Variants in PRR12 observed in about 807,000 individuals in gnomAD.
PRR12 encodes proline rich 12.
Under a neutral mutation model 138.0 loss-of-function variants are expected in PRR12, and 12 were observed. That is an observed-to-expected ratio of 0.09 (90% CI 0.06 to 0.14). The LOEUF is 0.14. Among genes scored for constraint, PRR12 ranks in the 10% least tolerant of loss-of-function variants. The probability of loss-of-function intolerance (pLI) is 1.00; values close to 1 mark genes in which losing one functional copy is unlikely to be tolerated. For synonymous variants in PRR12, 1,567 were observed against 1,291.7 expected, an observed-to-expected ratio of 1.21 and a Z score of -4.57; for missense variants, 2,692 against 2,861.3, an observed-to-expected ratio of 0.94 and a Z score of 1.35.
Position 49,610,546 on chromosome 19 carries a change from A to AT in PRR12, c.4774-3973dup, listed in dbSNP as rs922178889. 1.0e-3 allele frequency among the ~76,000 whole-genome samples: 121 copies of AT among 121,584 alleles called. 3 individuals are homozygous for AT. Among genetic ancestry groups the AT allele is most frequent in the South Asian group, 1.3e-3 (5 of 3,778 alleles). The allele number at this position is 121,584 out of a possible 152,430, so 79.8% of individuals were successfully genotyped here. On this transcript the variant is annotated intron_variant, in intron 6 of 13. Coordinates refer to ENST00000418929, the MANE Select transcript of PRR12 (RefSeq NM_020719.3). ...CATGCCATGGTAAAACCCTGTTCCT[A>AT]TTTTTTTTTTTTTTGAGATGGAGTC...
In PRR12 at chr19:49,591,627, T is replaced by TCCCCCC; in HGVS notation, c.-27_-22dup. 2.0e-5 allele frequency: 3 copies of TCCCCCC among 148,044 alleles called. No homozygotes were observed. Among genetic ancestry groups the TCCCCCC allele is most frequent in the African/African-American group, 8.7e-5 (1 of 11,550 alleles). 9.2% of individuals were successfully genotyped at this position (148,044 alleles called of 1,614,324 possible). ...CCCTCCCTCCCTCCCTCCCTCCCCC[T>TCCCCCC]CCCCCCAATTTCCACCGCGGCCAAT... On this transcript the variant is annotated 5_prime_UTR_variant, in exon 1 of 14. Transcript: ENST00000418929.
chr19:49,594,663 G>T lies in PRR12; in HGVS notation c.362-34G>T. On this transcript the variant is annotated intron_variant, in intron 3 of 13. Coordinates refer to ENST00000418929, the MANE Select transcript of PRR12 (RefSeq NM_020719.3). The surrounding 1 kb of genome is among the most constrained non-coding windows in gnomAD (Gnocchi z 5.6). ...AGGGCCAGGGTGGGACTGGCTCGCT[G>T]TTCTCTCTGACGCGCGGTCTTCCTC... The T allele has an allele frequency of 6.2e-7, 1 of 1,610,606 alleles. No individual in the cohort carries two copies. Among genetic ancestry groups the T allele is most frequent in the Non-Finnish European group, 8.5e-7 (1 of 1,179,494 alleles).
Position 49,599,297 on chromosome 19 carries a change from G to A in PRR12, c.3704G>A (p.Gly1235Asp), listed in dbSNP as rs898028986. 6.2e-7 allele frequency: 1 copy of A among 1,608,138 alleles called. No individual in the cohort carries two copies. The part of the protein sequence containing the change: ...LKIKLSVPKA[G>D]EGLGTSSGDA... ...ATCAAGCTGTCTGTGCCCAAGGCTG[G>A]CGAGGGTCTGGGAACCTCATCGGGT... The change falls in exon 5 of 14, where the codon GGC becomes GAC. Residue 1235 changes from glycine (G) to aspartate (D), a missense_variant. By Grantham distance (94) the Gly-to-Asp change is moderately conservative (BLOSUM62 -1). Around this residue, in one of 11 missense-constraint regions of PRR12, gnomAD observed 326 missense variants for 344.2 expected, o/e 0.95. Coordinates refer to ENST00000418929, the MANE Select transcript of PRR12 (RefSeq NM_020719.3). The surrounding 1 kb of genome is among the most constrained non-coding windows in gnomAD (Gnocchi z 5.0).
Position 49,625,426 on chromosome 19 carries a change from G to A in PRR12, c.5965-35G>A. ...CCCTTCCCTCCCCAGAGGCCGGTGT[G>A]CCACCCTCCCCAGTGCCATGTTTGA... On this transcript the variant is annotated intron_variant, in intron 13 of 13. Coordinates refer to ENST00000418929, the MANE Select transcript of PRR12 (RefSeq NM_020719.3). The surrounding 1 kb of genome is among the most constrained non-coding windows in gnomAD (Gnocchi z 5.5). 3 of 1,567,710 alleles carry A rather than the reference G, an allele frequency of 1.9e-6. No individual in the cohort carries two copies. The highest frequency in any genetic ancestry group is 2.3e-5 in the South Asian group (2 of 85,326).
chr19:49,622,580 AG>A (rs2080928798), intron 11 of PRR12, among the ~76,000 whole-genome samples: 4 of 138,702 alleles, frequency 2.9e-5, no homozygotes, highest in Non-Finnish European at 6.1e-5. Flanking sequence ...CGACAGAGCA[AG>A]ACTGTCTCCA....
chr19:49,614,805 G>A lies in PRR12; in HGVS notation c.4891-71G>A. 6.2e-7 allele frequency: 1 copy of A among 1,602,228 alleles called. No individual in the cohort carries two copies. Among genetic ancestry groups the A allele is most frequent in the South Asian group, 1.1e-5 (1 of 90,406 alleles). Reference sequence around the variant, plus strand: ...TCCAAGCAGCTGCCATGGTGGCCCAGGGCACGGGGGTGTTGGCCATCTGGC... The same window carrying A: ...TCCAAGCAGCTGCCATGGTGGCCCAAGGCACGGGGGTGTTGGCCATCTGGC... On this transcript the variant is annotated intron_variant, in intron 7 of 13. Transcript: ENST00000418929. This position sits in a 1 kb window ranked among gnomAD's most constrained non-coding sequence, Gnocchi z 5.0.
rs917761618 is a variant in PRR12, at chr19:49,597,815, G to T, written c.3480G>T (p.Thr1160=). Reference sequence around the variant, plus strand: ...CCCGGCGCCGTGGCCGCAAGCCCACGAAGGCGAAACGTGATGGGCCACCCC... The same window carrying T: ...CCCGGCGCCGTGGCCGCAAGCCCACTAAGGCGAAACGTGATGGGCCACCCC... ...DGPRRRGRKP[T]KAKRDGPPRP... Residue 1160 remains threonine, a synonymous_variant, in exon 4 of 14, where the codon ACG becomes ACT. Coordinates refer to ENST00000418929, the MANE Select transcript of PRR12 (RefSeq NM_020719.3). This position sits in a 1 kb window ranked among gnomAD's most constrained non-coding sequence, Gnocchi z 6.3. 1.3e-6 allele frequency: 2 copies of T among 1,549,386 alleles called. No homozygotes were observed. The highest frequency in any genetic ancestry group is 8.7e-7 in the Non-Finnish European group (1 of 1,149,080).
At chr19:49,603,466 G>A (rs1455086912) in intron 6 of PRR12, among the ~76,000 whole-genome samples, 1 of 152,194 alleles carries the variant, frequency 6.6e-6, no homozygotes, top group Non-Finnish European at 1.5e-5. Context: ...CAAGGCAGGT[G>A]GATCACTTGA....
chr19:49,621,504 T>A (rs955345114), intron 10 of PRR12, 21 bp from the exon 11 acceptor site: 1 of 1,577,300 alleles, frequency 6.3e-7, no homozygotes, highest in Admixed American at 1.8e-5. Flanking sequence ...GCCTTCCTGA[T>A]ACCATGTCCT....
chr19:49,615,057 G>A, intron 8 of PRR12, 48 bp downstream of exon 8: 1 of 1,609,532 alleles, frequency 6.2e-7, no homozygotes, highest in South Asian at 1.1e-5. Flanking sequence ...AGCGCCGACA[G>A]GCATGGGGAT....
intron 6 of PRR12, among the ~76,000 whole-genome samples, chr19:49,604,484 C>T (rs1290256214): frequency 6.6e-6 from 1 of 152,014 alleles, no homozygotes; most frequent in African/African-American, 2.4e-5. Context: ...TCAAGACCAG[C>T]CTGGCCAACA....
At chr19:49,612,620 G>T (rs1036150685) in intron 6 of PRR12, among the ~76,000 whole-genome samples, 1 of 152,040 alleles carries the variant, frequency 6.6e-6, no homozygotes, top group South Asian at 2.1e-4. Flanking sequence ...CAGAGGTAGG[G>T]GTGGTCTCCT....
chr19:49,595,635 G>A lies in PRR12; in HGVS notation c.1300G>A (p.Gly434Arg). 4 of 1,605,924 alleles carry A rather than the reference G, an allele frequency of 2.5e-6. No individual in the cohort carries two copies. Among genetic ancestry groups the A allele is most frequent in the Non-Finnish European group, 3.4e-6 (4 of 1,176,844 alleles). Reference sequence around the variant, plus strand: ...CGCCTATGCCACTGGGAAGGCCTCTGGGGCTGGAGGGGCAGGGGGCCAGGC... The same window carrying A: ...CGCCTATGCCACTGGGAAGGCCTCTAGGGCTGGAGGGGCAGGGGGCCAGGC... ...AAAYATGKASGAGGAGGQAYS... is the reference protein window; with the variant it reads ...AAAYATGKASRAGGAGGQAYS... The change falls in exon 4 of 14, where the codon GGG (glycine) becomes AGG (arginine). Residue 434 changes from glycine (G) to arginine (R), a missense_variant. Around this residue, in one of 11 missense-constraint regions of PRR12, gnomAD observed 523 missense variants for 496.4 expected, o/e 1.05. Coordinates refer to ENST00000418929, the MANE Select transcript of PRR12 (RefSeq NM_020719.3).
chr19:49,601,869 G>A lies in PRR12; in HGVS notation c.4724G>A (p.Arg1575Gln), dbSNP rs2080813946. ...GAGAGTGGCGGAGAGGGCATCTTCC[G>A]GGAACGGGACGAGTTCGTCATCCGT... ...AGESGGEGIF[R>Q]ERDEFVIRAE... Residue 1575 changes from arginine to glutamine, a missense_variant, in exon 6 of 14, where the codon CGG becomes CAG. Arg to Gln is a conservative substitution (Grantham distance 43, BLOSUM62 1). This residue lies in a region of PRR12 where 92 missense variants were observed against 174.1 expected (regional missense o/e 0.53). Coordinates refer to ENST00000418929, the MANE Select transcript of PRR12 (RefSeq NM_020719.3). 4 of 1,612,472 alleles carry A rather than the reference G, an allele frequency of 2.5e-6. No homozygotes were observed. Among genetic ancestry groups the A allele is most frequent in the South Asian group, 1.1e-5 (1 of 91,000 alleles).
Position 49,608,817 on chromosome 19 carries a change from G to C in PRR12, c.4774-5716G>C, listed in dbSNP as rs555487354. ...ATTACACCACTGCACTCCAGCCTGGGTGACAGTGAATGTGACCCTGTCTCA... is the reference window on the plus strand; with the variant it reads ...ATTACACCACTGCACTCCAGCCTGGCTGACAGTGAATGTGACCCTGTCTCA... On this transcript the variant is annotated intron_variant, in intron 6 of 13. Transcript: ENST00000418929. Among the ~76,000 whole-genome samples the C allele has an allele frequency of 2.0e-5, 3 of 151,764 alleles. No homozygotes were observed. In the East Asian group the frequency reaches 5.8e-4, roughly 29 times the overall value.
intron 6 of PRR12, among the ~76,000 whole-genome samples, chr19:49,603,338 G>T (rs1012451957): frequency 6.6e-6 from 1 of 152,246 alleles, no homozygotes; most frequent in Non-Finnish European, 1.5e-5. Flanking sequence ...GTCAATCATT[G>T]TCATTGATTG....
chr19:49,617,748 G>A (rs1334282071), intron 9 of PRR12, among the ~76,000 whole-genome samples: 2 of 152,166 alleles, frequency 1.3e-5, no homozygotes, highest in African/African-American at 2.4e-5. Context: ...TAGAATTAGC[G>A]AGTCAAATGA....
intron 9 of PRR12, among the ~76,000 whole-genome samples, chr19:49,619,428 T>G (rs2080909631): frequency 6.8e-6 from 1 of 146,104 alleles, no homozygotes; most frequent in South Asian, 2.2e-4. Context: ...AGAGACAGGG[T>G]TTCTCCATGT....
At chr19:49,619,202 G>T (rs376444732) in intron 9 of PRR12, among the ~76,000 whole-genome samples, 1 of 150,206 alleles carries the variant, frequency 6.7e-6, no homozygotes, top group East Asian at 1.9e-4. Flanking sequence ...TTGAACAAGG[G>T]TGAGTCTGAT....
Sources: gnomAD v4.1 joint callset for allele counts (sites outside exome capture counted in the v4.1 genomes callset) on GRCh38, gnomAD v4.1.1 for gene constraint, gnomAD v4.1.1 regional missense constraint, Gnocchi (gnomAD v3.1) non-coding constraint, MANE v1.5 for transcripts, NCBI Gene and HGNC (gene_info 2026-07-23, HGNC 2026-07-21) for gene names.